The following SPAG16 variants were observed in gnomAD, a reference collection of about 807,000 sequenced individuals.
SPAG16 encodes the protein sperm-associated antigen 16 protein.
Under a neutral mutation model 80.4 loss-of-function variants are expected in SPAG16, and 86 were observed. The ratio of observed to expected loss-of-function variants is 1.07; its 90% CI spans 0.90 to 1.28. The LOEUF is 1.28. Ranked by LOEUF, SPAG16 falls within the 50% of genes most tolerant of loss-of-function variation. SPAG16 has a pLI of 0.00. For synonymous variants in SPAG16, 294 were observed against 265.9 expected (o/e 1.11, Z -1.03); for missense variants, 870 against 765.3 (o/e 1.14, Z -1.61).
At chr2:214,167,213 A>G (rs1576397749) in intron 15 of SPAG16, among the ~76,000 whole-genome samples, 3 of 152,090 alleles carry the variant, frequency 2.0e-5, no homozygotes, top group South Asian at 4.1e-4. Flanking sequence ...CTCTCCCTCT[A>G]TGAAAGTGGT....
intron 9 of SPAG16, among the ~76,000 whole-genome samples, chr2:213,383,043 C>A (rs1170745595): frequency 6.6e-6 from 1 of 152,042 alleles, no homozygotes; most frequent in Non-Finnish European, 1.5e-5. Flanking sequence ...TATGGCACAG[C>A]CCATATGTTC....
intron 12 of SPAG16, among the ~76,000 whole-genome samples, chr2:213,952,939 C>A (rs1403884611): frequency 6.6e-6 from 1 of 152,024 alleles, no homozygotes; most frequent in East Asian, 1.9e-4. Flanking sequence ...ATCTTAAAAT[C>A]TCCTCAGCCC....
intron 10 of SPAG16, among the ~76,000 whole-genome samples, chr2:213,494,988 G>A (rs912705781): frequency 3.9e-5 from 6 of 152,178 alleles, no homozygotes; most frequent in Non-Finnish European, 5.9e-5. Flanking sequence ...CCTCAGAGAG[G>A]CAGTGCCTGA....
intron 15 of SPAG16, among the ~76,000 whole-genome samples, chr2:214,273,964 T>A (rs1692242744): frequency 6.6e-6 from 1 of 152,182 alleles, no homozygotes; most frequent in Non-Finnish European, 1.5e-5. Context: ...TGTCCCCCTT[T>A]ATTTCGTTGA....
intron 10 of SPAG16, among the ~76,000 whole-genome samples, chr2:213,748,806 T>C (rs1462207634): frequency 1.3e-5 from 2 of 152,216 alleles, no homozygotes; most frequent in Non-Finnish European, 2.9e-5. Flanking sequence ...GTTTTAGTTT[T>C]TTTCTGTGTG....
chr2:214,295,033 T>C (rs1694038372), intron 15 of SPAG16, among the ~76,000 whole-genome samples: 1 of 152,242 alleles, frequency 6.6e-6, no homozygotes, highest in Non-Finnish European at 1.5e-5. Context: ...GCCATCTGTC[T>C]AGGGTCTGGG....
At chr2:214,160,747 G>A (rs1486338675) in intron 15 of SPAG16, among the ~76,000 whole-genome samples, 2 of 151,826 alleles carry the variant, frequency 1.3e-5, no homozygotes, top group Admixed American at 6.6e-5. Context: ...TCAATTTCTT[G>A]CTTTTTCATT....
chr2:213,540,423 G>T (rs545662072), intron 10 of SPAG16, among the ~76,000 whole-genome samples: 1 of 152,126 alleles, frequency 6.6e-6, no homozygotes, highest in South Asian at 2.1e-4. Flanking sequence ...CTTGGAACTT[G>T]GGAATATCAG....
chr2:213,598,926 A>G (rs2060968928), intron 10 of SPAG16, among the ~76,000 whole-genome samples: 3 of 152,222 alleles, frequency 2.0e-5, no homozygotes, highest in African/African-American at 7.2e-5. Context: ...GCCTTTGAAT[A>G]TGAAATATTT....
chr2:214,358,611 A>T (rs1698973254), intron 15 of SPAG16, among the ~76,000 whole-genome samples: 1 of 151,680 alleles, frequency 6.6e-6, no homozygotes, highest in Non-Finnish European at 1.5e-5. Context: ...TGCTTCTCAT[A>T]CCACCCCTGT....
At chr2:213,340,121 AAG>A in intron 5 of SPAG16, 40 bp from the exon 6 acceptor site, 2 of 1,369,386 alleles carry the variant, frequency 1.5e-6, no homozygotes, top group Non-Finnish European at 2.0e-6. Flanking sequence ...TTTTTCGAAA[AAG>A]AATTAGCAGT....
chr2:213,342,224 A>C (rs930351381), intron 6 of SPAG16, among the ~76,000 whole-genome samples: 2 of 151,048 alleles, frequency 1.3e-5, no homozygotes, highest in Admixed American at 1.3e-4. Context: ...TGTATTTATG[A>C]ATATGTAATG....
At chr2:213,388,639 G>C (rs1401783665) in intron 9 of SPAG16, among the ~76,000 whole-genome samples, 2 of 152,146 alleles carry the variant, frequency 1.3e-5, no homozygotes. Flanking sequence ...AGGAGAATCT[G>C]ATTTCCAGAC....
intron 8 of SPAG16, among the ~76,000 whole-genome samples, chr2:213,368,580 A>G (rs1169295203): frequency 6.6e-6 from 1 of 152,172 alleles, no homozygotes; most frequent in Non-Finnish European, 1.5e-5. Flanking sequence ...TTAGTCAGGA[A>G]AAAGAAATAA....
At chr2:213,987,199 A>T (rs1362962950) in intron 12 of SPAG16, among the ~76,000 whole-genome samples, 3 of 152,108 alleles carry the variant, frequency 2.0e-5, no homozygotes, top group African/African-American at 7.2e-5. Context: ...AGTTTAGTCT[A>T]AACTTTGACT....
At chr2:213,466,255 A>G (rs986901991) in intron 9 of SPAG16, among the ~76,000 whole-genome samples, 43 of 152,020 alleles carry the variant, frequency 2.8e-4, no homozygotes, top group Non-Finnish European at 3.7e-4. Flanking sequence ...ATATACATCT[A>G]TCCTATTAGT....
At chr2:214,237,488 G>A (rs1292828223) in intron 15 of SPAG16, among the ~76,000 whole-genome samples, 3 of 152,012 alleles carry the variant, frequency 2.0e-5, no homozygotes, top group Non-Finnish European at 4.4e-5. Context: ...TTTGTAAAGG[G>A]AACTGTGATT....
intron 15 of SPAG16, among the ~76,000 whole-genome samples, chr2:214,389,893 C>A (rs567760325): frequency 4.6e-5 from 7 of 152,062 alleles, no homozygotes; most frequent in Non-Finnish European, 7.4e-5. Flanking sequence ...TAGTCTGGAC[C>A]GAGGCAGAAC....
rs71060428 is a variant in SPAG16 at position 213,387,431 on chromosome 2, C to CTTTTTTTTTTTTTTTTTTTTTTTTTT, written c.942+12316_942+12341dup. 6.3e-5 allele frequency among the ~76,000 whole-genome samples: 3 copies of CTTTTTTTTTTTTTTTTTTTTTTTTTT among 47,896 alleles called. 1 individual carries two copies. The highest frequency in any genetic ancestry group is 2.3e-4 in the African/African-American group (2 of 8,752). 31.4% of individuals were successfully genotyped at this position (47,896 alleles called of 152,430 possible). On this transcript the variant is annotated intron_variant, in intron 9 of 15. Coordinates refer to ENST00000331683, the MANE Select transcript of SPAG16 (RefSeq NM_024532.5). ...TTTGGGTTGGAATGAAATGCATGCTCTTTTTTTTTTTTTTTTTTTTTTTTT... is the reference window on the plus strand; with the variant it reads ...TTTGGGTTGGAATGAAATGCATGCTCTTTTTTTTTTTTTTTTTTTTTTTTTTTTTTTTTTTTTTTTTTTTTTTTTTT...
Sources: gnomAD v4.1 joint callset for allele counts (sites outside exome capture counted in the v4.1 genomes callset) on GRCh38, gnomAD v4.1.1 for gene constraint, MANE v1.5 for transcripts, NCBI Gene and HGNC (gene_info 2026-07-23, HGNC 2026-07-21) for gene names.